The following TTC13 variants were observed in gnomAD, a reference collection of about 807,000 sequenced individuals.
TTC13 encodes tetratricopeptide repeat protein 13.
A neutral mutation model predicts 120.0 loss-of-function variants in TTC13; 62 were observed. That is an observed-to-expected ratio of 0.52 (90% CI 0.42 to 0.64). The LOEUF is 0.64. Among genes scored for constraint, TTC13 ranks in the 30% least tolerant of loss-of-function variants. The pLI, the probability that TTC13 is intolerant of heterozygous loss-of-function variation, is 0.00. For missense variants in TTC13, 824 were observed against 1,050.2 expected, an observed-to-expected ratio of 0.78 and a Z score of 2.98; for synonymous variants, 384 against 393.5, an observed-to-expected ratio of 0.98 and a Z score of 0.28.
chr1:230,970,994 G>A (rs1215050667), intron 1 of TTC13, among the ~76,000 whole-genome samples: 1 of 152,140 alleles, frequency 6.6e-6, no homozygotes, highest in African/African-American at 2.4e-5. Context: ...AAGGCCAGGT[G>A]GCTGTGTGGT....
chr1:230,966,779 T>C (rs1677168676), intron 1 of TTC13, among the ~76,000 whole-genome samples: 1 of 152,162 alleles, frequency 6.6e-6, no homozygotes, highest in Admixed American at 6.5e-5. Flanking sequence ...ACAGGCAACC[T>C]TAGAATCCCC....
intron 4 of TTC13, among the ~76,000 whole-genome samples, chr1:230,948,160 C>T (rs2102908007): frequency 6.6e-6 from 1 of 152,254 alleles, no homozygotes; most frequent in African/African-American, 2.4e-5. Context: ...GACATTCAAA[C>T]TTTTTAAACT....
At chr1:230,926,010 C>T (rs1197544731) in intron 12 of TTC13, among the ~76,000 whole-genome samples, 2 of 152,108 alleles carry the variant, frequency 1.3e-5, no homozygotes, top group African/African-American at 4.8e-5. Context: ...ACTCCTCAAC[C>T]CTGCCCAAGT....
At chr1:230,920,696 A>G in intron 16 of TTC13, 102 bp from the exon 17 acceptor site, 1 of 660,884 alleles carries the variant, frequency 1.5e-6, no homozygotes. Context: ...CTCAATTTTG[A>G]GTAGCTAAAC....
At chr1:230,967,243 C>T (rs1211743336) in intron 1 of TTC13, among the ~76,000 whole-genome samples, 7 of 151,894 alleles carry the variant, frequency 4.6e-5, no homozygotes, top group Non-Finnish European at 1.0e-4. Flanking sequence ...CTGCTTATTC[C>T]TGACATTAAT....
chr1:230,928,686 T>C (rs1673262322), intron 12 of TTC13, among the ~76,000 whole-genome samples: 1 of 152,224 alleles, frequency 6.6e-6, no homozygotes, highest in Non-Finnish European at 1.5e-5. Context: ...TACCATTTCA[T>C]AAGTTAAAAT....
intron 4 of TTC13, among the ~76,000 whole-genome samples, chr1:230,953,557 T>C (rs757925393): frequency 6.6e-6 from 1 of 152,212 alleles, no homozygotes; most frequent in African/African-American, 2.4e-5. Flanking sequence ...TAGTTATTAT[T>C]ATCTCCATAA....
chr1:230,917,812 G>C (rs1030051722), intron 17 of TTC13, among the ~76,000 whole-genome samples: 1 of 152,130 alleles, frequency 6.6e-6, no homozygotes, highest in African/African-American at 2.4e-5. Context: ...CTAAACTGAC[G>C]TTGTATTCTG....
intron 3 of TTC13, among the ~76,000 whole-genome samples, chr1:230,955,401 C>A (rs746751661): frequency 1.3e-5 from 2 of 151,872 alleles, no homozygotes; most frequent in African/African-American, 2.4e-5. Context: ...TGGTGGCTTA[C>A]ACCTGTAATC....
rs539127705 is a variant in TTC13, at chr1:230,943,109, A to G, written c.672+697T>C. ...GCTGTGAATTCCAGTTTGACCTAAC[A>G]GTCATATCAAGTCTTGCTAAAGTAT... On this transcript the variant is annotated intron_variant, in intron 6 of 22. Transcript: ENST00000366661. Among the ~76,000 whole-genome samples, 3 of 152,366 alleles carry G rather than the reference A, an allele frequency of 2.0e-5. No homozygotes were observed. The South Asian group carries it at 6.2e-4, about 32-fold the overall frequency.
chr1:230,920,377 T>G (rs1672465208), intron 17 of TTC13, 133 bp downstream of exon 17: 3 of 574,414 alleles, frequency 5.2e-6, no homozygotes, highest in Non-Finnish European at 9.0e-6. Context: ...TCTTTTATTT[T>G]GGTTATTATT....
chr1:230,970,998 G>A (rs7536772), intron 1 of TTC13, among the ~76,000 whole-genome samples: 110,480 of 152,018 alleles, frequency 0.73, 40,636 homozygotes, highest in African/African-American at 0.84. Flanking sequence ...CCAGGTGGCT[G>A]TGTGGTATCA....
At chr1:230,920,311 A>G (rs1339021421) in intron 17 of TTC13, 199 bp downstream of exon 17, 6 of 408,850 alleles carry the variant, frequency 1.5e-5, no homozygotes, top group Middle Eastern at 6.5e-4. Context: ...TCTTTTTTCT[A>G]TATTAACTGC....
intron 17 of TTC13, chr1:230,920,298 T>G (rs1448625068): frequency 2.7e-6 from 1 of 363,960 alleles, no homozygotes. Flanking sequence ...TATTTTTAAG[T>G]TTTCTTTTTT....
chr1:230,928,910 A>G (rs1267446514), intron 12 of TTC13, 27 bp downstream of exon 12: 1 of 1,609,380 alleles, frequency 6.2e-7, no homozygotes, highest in Non-Finnish European at 8.5e-7. Flanking sequence ...AAAGGAAAAA[A>G]AAATCATCTT....
At chr1:230,916,610 C>T (rs940557456) in intron 17 of TTC13, among the ~76,000 whole-genome samples, 5 of 152,236 alleles carry the variant, frequency 3.3e-5, no homozygotes, top group Non-Finnish European at 5.9e-5. Flanking sequence ...AATGTTTTCT[C>T]ATGTCCATCT....
chr1:230,958,712 G>A (rs913716601), intron 2 of TTC13, among the ~76,000 whole-genome samples: 2 of 152,162 alleles, frequency 1.3e-5, no homozygotes, highest in Non-Finnish European at 2.9e-5. Flanking sequence ...TTAGATAGAC[G>A]GGGCATGGTG....
intron 8 of TTC13, among the ~76,000 whole-genome samples, chr1:230,935,819 G>T (rs1475889081): frequency 6.6e-6 from 1 of 152,196 alleles, no homozygotes; most frequent in East Asian, 1.9e-4. Flanking sequence ...GCAGTAGTTG[G>T]AGCAAGAGAT....
chr1:230,923,880 C>T lies in TTC13; in HGVS notation c.1775G>A (p.Ser592Asn). The T allele has an allele frequency of 6.2e-7, 1 of 1,614,052 alleles. No homozygotes were observed. Among genetic ancestry groups the T allele is most frequent in the Non-Finnish European group, 8.5e-7 (1 of 1,179,932 alleles). Residue 592 changes from serine to asparagine, a missense_variant, in exon 15 of 23, where the codon AGT (serine) becomes AAT (asparagine). Coordinates refer to ENST00000366661, the MANE Select transcript of TTC13 (RefSeq NM_024525.5). ...VLWLDQMPARSLSRGFNNHIN... is the reference protein window; with the variant it reads ...VLWLDQMPARNLSRGFNNHIN... ...GTGGTTGTTAAAACCTCTGCTAAGA[C>T]TTCGTGCTGGCATTTGATCTAACCA...
Sources: gnomAD v4.1 joint callset for allele counts (sites outside exome capture counted in the v4.1 genomes callset) on GRCh38, gnomAD v4.1.1 for gene constraint, MANE v1.5 for transcripts, NCBI Gene and HGNC (gene_info 2026-07-23, HGNC 2026-07-21) for gene names.